LRIG1: variants seen among roughly 807,000 people sequenced by gnomAD.
The protein encoded by LRIG1 is leucine-rich repeats and immunoglobulin-like domains protein 1.
A neutral mutation model predicts 99.2 loss-of-function variants in LRIG1; 48 were observed. The observed-to-expected ratio is 0.48, with a 90% CI of 0.38 to 0.62. The LOEUF is 0.62. Ranked by LOEUF, LRIG1 falls within the 20% of genes least tolerant of loss-of-function variation. The probability of loss-of-function intolerance (pLI) is 0.00; values close to 1 mark genes in which losing one functional copy is unlikely to be tolerated. For synonymous variants in LRIG1, 772 were observed against 596.1 expected (o/e 1.29, Z -4.30); for missense variants, 1,646 against 1,434.4 (o/e 1.15, Z -2.38).
At chr3:66,414,843 G>A (rs1702574914) in intron 5 of LRIG1, 77 bp downstream of exon 5, 21 of 1,361,096 alleles carry the variant, frequency 1.5e-5, no homozygotes, top group Non-Finnish European at 1.7e-5. Flanking sequence ...GGTGGCGTTT[G>A]GTACGAGGTC....
At chr3:66,483,727 G>C (rs1213304387) in intron 1 of LRIG1, among the ~76,000 whole-genome samples, 1 of 152,316 alleles carries the variant, frequency 6.6e-6, no homozygotes, top group East Asian at 1.9e-4. Context: ...TGTCAACTCT[G>C]GAAAAGCAGG....
intron 3 of LRIG1, among the ~76,000 whole-genome samples, chr3:66,424,545 T>C (rs1265547225): frequency 3.3e-5 from 5 of 152,180 alleles, no homozygotes; most frequent in African/African-American, 4.8e-5. Flanking sequence ...TTTCACTCCT[T>C]TAACATAACT....
chr3:66,384,045 T>C lies in LRIG1; in HGVS notation c.2017A>G (p.Thr673Ala), dbSNP rs1361750026. The C allele has an allele frequency of 6.2e-7, 1 of 1,614,026 alleles. No individual in the cohort carries two copies. The highest frequency in any genetic ancestry group is 1.1e-5 in the South Asian group (1 of 91,062). ...ATAGAACCGGCTGAGTTCTGAGCAGTACAGCTGTAAACCCCTGCGTCATCT... is the reference window on the plus strand; with the variant it reads ...ATAGAACCGGCTGAGTTCTGAGCAGCACAGCTGTAAACCCCTGCGTCATCT... The part of the protein sequence containing the change: ...KIDDAGVYSC[T>A]AQNSAGSISA... The change falls in exon 14 of 19, where the codon ACT becomes GCT. Residue 673 changes from threonine (T) to alanine (A), a missense_variant. Thr to Ala is a moderately conservative substitution (Grantham distance 58, BLOSUM62 0). Coordinates refer to ENST00000273261, the MANE Select transcript of LRIG1 (RefSeq NM_015541.3).
chr3:66,500,127 G>T, intron 1 of LRIG1, 63 bp downstream of exon 1: 1 of 1,344,318 alleles, frequency 7.4e-7, no homozygotes, highest in Non-Finnish European at 1.0e-6. Flanking sequence ...ACGAACCCCC[G>T]CCGCTCCATC....
At chr3:66,449,250 T>A (rs550734527) in intron 3 of LRIG1, among the ~76,000 whole-genome samples, 1 of 152,142 alleles carries the variant, frequency 6.6e-6, no homozygotes, top group Non-Finnish European at 1.5e-5. Flanking sequence ...CAGCACTGAA[T>A]CCAGGCATCC....
At chr3:66,489,523 G>A (rs1018758015) in intron 1 of LRIG1, among the ~76,000 whole-genome samples, 1 of 25,076 alleles carries the variant, frequency 4.0e-5, no homozygotes, top group African/African-American at 6.5e-5. Flanking sequence ...CCCTTTGTGT[G>A]TATGTGTGTG....
At chr3:66,446,888 CA>C (rs752839312) in intron 3 of LRIG1, among the ~76,000 whole-genome samples, 3 of 140,666 alleles carry the variant, frequency 2.1e-5, no homozygotes, top group Non-Finnish European at 4.5e-5. Context: ...AAGTGGTTAC[CA>C]GGGGCTAGGG....
rs1432002987 is a variant in LRIG1 at position 66,380,132 on chromosome 3, G to A, written c.*131C>T. On this transcript the variant is annotated 3_prime_UTR_variant, in exon 19 of 19. Coordinates refer to ENST00000273261, the MANE Select transcript of LRIG1 (RefSeq NM_015541.3). ...TGTGCTTCAGATCCAAGTCCTGTGAGCGACTGATACTCCACATGGGAGTTA... is the reference window on the plus strand; with the variant it reads ...TGTGCTTCAGATCCAAGTCCTGTGAACGACTGATACTCCACATGGGAGTTA... The A allele has an allele frequency of 1.4e-6, 1 of 701,614 alleles. No individual in the cohort carries two copies. The allele number at this position is 701,614 out of a possible 1,614,324, so 43.5% of individuals were successfully genotyped here.
intron 3 of LRIG1, among the ~76,000 whole-genome samples, chr3:66,450,016 C>T (rs1232115905): frequency 6.6e-6 from 1 of 152,232 alleles, no homozygotes; most frequent in African/African-American, 2.4e-5. Flanking sequence ...CTAGCATCTT[C>T]AAGTGCTTTG....
chr3:66,465,965 C>T (rs1290054445), intron 1 of LRIG1, among the ~76,000 whole-genome samples: 1 of 152,144 alleles, frequency 6.6e-6, no homozygotes, highest in East Asian at 1.9e-4. Flanking sequence ...AATATTTGTC[C>T]TTTTGTGAGT....
At position 66,379,494 on chromosome 3, in the gene LRIG1, C is replaced by CATAAA. The variant is rs1184392230; in HGVS notation, c.*764_*768dup. The CATAAA allele has an allele frequency of 6.6e-6, 1 of 152,148 alleles. No individual in the cohort carries two copies. The highest frequency in any genetic ancestry group is 1.9e-4 in the East Asian group (1 of 5,204). 9.4% of individuals were successfully genotyped at this position (152,148 alleles called of 1,614,324 possible). A position where few individuals can be genotyped will look rare whatever the true frequency, so the allele number is the denominator to read the frequency against. On this transcript the variant is annotated 3_prime_UTR_variant, in exon 19 of 19. Coordinates refer to ENST00000273261, the MANE Select transcript of LRIG1 (RefSeq NM_015541.3). ...CTGAGAAGGCCACATTTGCTTTTATCATAAAATAAGAGGAGGAGGAAAGGC... is the reference window on the plus strand; with the variant it reads ...CTGAGAAGGCCACATTTGCTTTTATCATAAAATAAAATAAGAGGAGGAGGAAAGGC...
rs1388047973 is a variant in LRIG1, at chr3:66,500,973, G to A, written c.-566C>T. The A allele has an allele frequency of 6.6e-6, 1 of 152,076 alleles. No homozygotes were observed. The highest frequency in any genetic ancestry group is 2.4e-5 in the African/African-American group (1 of 41,392). The allele number at this position is 152,076 out of a possible 1,614,324, so 9.4% of individuals were successfully genotyped here. On this transcript the variant is annotated 5_prime_UTR_variant, in exon 1 of 19. Coordinates refer to ENST00000273261, the MANE Select transcript of LRIG1 (RefSeq NM_015541.3). ...GCCTCGGGTTCCGCACGGCTCCTCC[G>A]CGCAGCAAGAGTCCCGCCGACCTCG...
intron 16 of LRIG1, 80 bp from the exon 17 acceptor site, chr3:66,381,711 C>G (rs530455479): frequency 2.5e-5 from 36 of 1,467,428 alleles, no homozygotes; most frequent in Middle Eastern, 1.8e-4. Context: ...TGAGCAAGGC[C>G]GCTAGAACAG....
At chr3:66,405,161 G>C (rs752258124) in intron 9 of LRIG1, 37 bp downstream of exon 9, 3 of 1,579,838 alleles carry the variant, frequency 1.9e-6, no homozygotes, top group Non-Finnish European at 2.6e-6. Flanking sequence ...TGTGTCCCGC[G>C]CATTTGCCGG....
At chr3:66,385,499 CTGGAATGCAG>C (rs1292096828) in intron 13 of LRIG1, among the ~76,000 whole-genome samples, 1 of 152,234 alleles carries the variant, frequency 6.6e-6, no homozygotes, top group East Asian at 1.9e-4. Context: ...GACACCCAGG[CTGGAATGCAG>C]TGGAGTGATC....
intron 3 of LRIG1, among the ~76,000 whole-genome samples, chr3:66,434,132 G>C (rs1374427759): frequency 6.6e-6 from 1 of 152,198 alleles, no homozygotes; most frequent in Non-Finnish European, 1.5e-5. Flanking sequence ...GAAAGACTCT[G>C]CTAAGATGAA....
In LRIG1 at chr3:66,401,531, T is replaced by G. The variant is rs896788680; in HGVS notation, c.1161-2490A>C. ...AGGCTGTTATTTTTAACGGTGACAA[T>G]AGCAATAAAATAAATTCTCAAATTC... On this transcript the variant is annotated intron_variant, in intron 9 of 18. Transcript: ENST00000273261. 2.4e-5 allele frequency: 24 copies of G among 986,350 alleles called. No homozygotes were observed. The South Asian group carries it at 2.7e-4, about 11-fold the overall frequency. 61.1% of individuals were successfully genotyped at this position (986,350 alleles called of 1,614,324 possible). A position where few individuals can be genotyped will look rare whatever the true frequency, so the allele number is the denominator to read the frequency against.
At chr3:66,414,832 G>C (rs948786742) in intron 5 of LRIG1, 88 bp downstream of exon 5, 2 of 1,269,094 alleles carry the variant, frequency 1.6e-6, no homozygotes, top group African/African-American at 3.0e-5. Flanking sequence ...AGCAAGGAAA[G>C]GGTGGCGTTT....
intron 9 of LRIG1, chr3:66,401,704 C>T (rs1052032170): frequency 1.8e-5 from 27 of 1,499,464 alleles, no homozygotes; most frequent in African/African-American, 8.3e-5. Flanking sequence ...AAAGGAGAGG[C>T]GGGATTATGG....
Sources: gnomAD v4.1 joint callset for allele counts (sites outside exome capture counted in the v4.1 genomes callset) on GRCh38, gnomAD v4.1.1 for gene constraint, MANE v1.5 for transcripts, NCBI Gene and HGNC (gene_info 2026-07-23, HGNC 2026-07-21) for gene names.